TMEM255B: variants seen among roughly 807,000 people sequenced by gnomAD.
TMEM255B encodes the protein transmembrane protein 255B.
A neutral mutation model predicts 34.5 loss-of-function variants in TMEM255B; 35 were observed. The observed-to-expected ratio is 1.01, with a 90% confidence interval of 0.77 to 1.34. TMEM255B has a LOEUF of 1.34. Among genes scored for constraint, TMEM255B ranks in the 40% most tolerant of loss-of-function variants. The pLI, the probability that TMEM255B is intolerant of heterozygous loss-of-function variation, is 0.00. For missense variants in TMEM255B, 432 were observed against 433.2 expected (o/e 1.00, Z 0.02); for synonymous variants, 206 against 201.2 (o/e 1.02, Z -0.20).
At chr13:113,775,650 C>T (rs1050750124) in intron 3 of TMEM255B, among the ~76,000 whole-genome samples, 5 of 152,270 alleles carry the variant, frequency 3.3e-5, no homozygotes, top group African/African-American at 7.2e-5. Context: ...CTGGATCCCA[C>T]GACCTCACCC....
At chr13:113,811,176 C>G (rs1366883397) in intron 8 of TMEM255B, among the ~76,000 whole-genome samples, 1 of 98,048 alleles carries the variant, frequency 1.0e-5, no homozygotes, top group Non-Finnish European at 2.0e-5. Flanking sequence ...GGTCCTGGGT[C>G]TGTGGGGTGG....
At chr13:113,793,173 C>T (rs1413821534) in intron 3 of TMEM255B, among the ~76,000 whole-genome samples, 1 of 152,358 alleles carries the variant, frequency 6.6e-6, no homozygotes, top group East Asian at 1.9e-4. Context: ...CCCGAGAACC[C>T]TTGTGCTGCC....
rs114098740 is a variant in TMEM255B at position 113,767,100 on chromosome 13, C to A, written c.189+843C>A. Among the ~76,000 whole-genome samples, 544 of 152,314 alleles carry A rather than the reference C, an allele frequency of 3.6e-3. 1 individual carries two copies. Among genetic ancestry groups the A allele is most frequent in the African/African-American group, 0.013 (530 of 41,564 alleles). The stretch of plus-strand genomic sequence containing the variant: ...GATTTTAAAATGCGGCTTCTTCAAT[C>A]TCATTACTCTCACCTAAAGTACTAC... On this transcript the variant is annotated intron_variant, in intron 2 of 8. Coordinates refer to ENST00000375353, the MANE Select transcript of TMEM255B (RefSeq NM_182614.4).
chr13:113,761,937 G>A (rs940682752), intron 1 of TMEM255B, among the ~76,000 whole-genome samples: 9 of 152,096 alleles, frequency 5.9e-5, no homozygotes, highest in African/African-American at 7.2e-5. Flanking sequence ...TTAAATGGCC[G>A]CCCAAGACCA....
chr13:113,759,387 G>A (rs1253377923), intron 1 of TMEM255B, 72 bp downstream of exon 1: 4 of 1,208,416 alleles, frequency 3.3e-6, no homozygotes, highest in Non-Finnish European at 4.1e-6. Flanking sequence ...GGGACTACAG[G>A]TCCCCGGCCG....
intron 3 of TMEM255B, among the ~76,000 whole-genome samples, chr13:113,776,800 G>A (rs1053992562): frequency 5.9e-5 from 9 of 152,236 alleles, no homozygotes; most frequent in African/African-American, 9.6e-5. Context: ...ATCCTGATGC[G>A]TGAGCTGGTG....
At position 113,787,747 on chromosome 13, in the gene TMEM255B, G is replaced by A. The variant is rs542657137; in HGVS notation, c.253-7401G>A. On this transcript the variant is annotated intron_variant, in intron 3 of 8. Coordinates refer to ENST00000375353, the MANE Select transcript of TMEM255B (RefSeq NM_182614.4). ...CAGTGGGGAGGGGAGTGTGAGAGCC[G>A]TGAATGTGTCAAATGCTCATGGTGA... 4.6e-5 allele frequency among the ~76,000 whole-genome samples: 7 copies of A among 151,988 alleles called. No homozygotes were observed. In the South Asian group the frequency reaches 6.2e-4, roughly 14 times the overall value.
intron 4 of TMEM255B, among the ~76,000 whole-genome samples, chr13:113,799,059 C>G (rs1357653799): frequency 6.6e-6 from 1 of 152,242 alleles, no homozygotes; most frequent in Admixed American, 6.5e-5. Context: ...AAGCACCTGT[C>G]TCCCTTCTGC....
At chr13:113,776,391 G>A (rs144249440) in intron 3 of TMEM255B, among the ~76,000 whole-genome samples, 6 of 152,324 alleles carry the variant, frequency 3.9e-5, no homozygotes, top group African/African-American at 7.2e-5. Flanking sequence ...GGGCTGACTC[G>A]GCGGCTCTGG....
At chr13:113,789,456 A>G (rs572355120) in intron 3 of TMEM255B, among the ~76,000 whole-genome samples, 1 of 152,328 alleles carries the variant, frequency 6.6e-6, no homozygotes, top group South Asian at 2.1e-4. Flanking sequence ...TATCTGAACA[A>G]GAGTTAACAA....
intron 1 of TMEM255B, among the ~76,000 whole-genome samples, chr13:113,764,130 G>A (rs1301638983): frequency 3.3e-5 from 5 of 152,130 alleles, no homozygotes; most frequent in African/African-American, 4.8e-5. Context: ...GGGATGGGCC[G>A]GGGCGTGGGC....
At chr13:113,762,785 G>C (rs1321355411) in intron 1 of TMEM255B, among the ~76,000 whole-genome samples, 1 of 152,184 alleles carries the variant, frequency 6.6e-6, no homozygotes, top group African/African-American at 2.4e-5. Context: ...CAGGAGGCTG[G>C]GACAGGAGCC....
intron 5 of TMEM255B, 143 bp from the exon 6 acceptor site, chr13:113,800,684 G>GAGTCGGGGGAA: frequency 1.4e-6 from 1 of 727,906 alleles, no homozygotes; most frequent in Non-Finnish European, 2.3e-6. Context: ...TCTGTGTCTG[G>GAGTCGGGGGAA]AGTCGGGGGA....
At chr13:113,799,745 T>C in intron 5 of TMEM255B, 1 of 702,024 alleles carries the variant, frequency 1.4e-6, no homozygotes, top group South Asian at 1.5e-5. Flanking sequence ...ATAATACATT[T>C]ACAGTGTCCG....
chr13:113,759,464 C>G (rs2050257608), intron 1 of TMEM255B, 149 bp downstream of exon 1: 4 of 685,642 alleles, frequency 5.8e-6, no homozygotes, highest in Non-Finnish European at 8.2e-6. Flanking sequence ...CGAGCTCTGT[C>G]TTTGGAACAC....
At chr13:113,764,375 G>A (rs559902070) in intron 1 of TMEM255B, among the ~76,000 whole-genome samples, 4 of 152,300 alleles carry the variant, frequency 2.6e-5, no homozygotes, top group African/African-American at 4.8e-5. Context: ...CAGGGACCCC[G>A]AACCCCAGGG....
chr13:113,785,113 G>A (rs1044404317), intron 3 of TMEM255B, among the ~76,000 whole-genome samples: 3 of 152,226 alleles, frequency 2.0e-5, no homozygotes, highest in African/African-American at 7.2e-5. Context: ...CTGGTCGGAG[G>A]TGTCATTTGT....
Position 113,769,396 on chromosome 13 carries a change from G to A in TMEM255B, c.252+236G>A, listed in dbSNP as rs1184571151. Among the ~76,000 whole-genome samples the A allele has an allele frequency of 6.6e-6, 1 of 152,204 alleles. No homozygotes were observed. Among genetic ancestry groups the A allele is most frequent in the Non-Finnish European group, 1.5e-5 (1 of 68,036 alleles). ...TGGGTTGCTGGTGTATCAACCTCAC[G>A]TGGTGTGCAACCACCAATGCTGAGG... On this transcript the variant is annotated intron_variant, in intron 3 of 8. Transcript: ENST00000375353. The surrounding 1 kb of genome is among the most constrained non-coding windows in gnomAD (Gnocchi z 4.2).
chr13:113,800,264 G>T (rs1357751147), intron 5 of TMEM255B, among the ~76,000 whole-genome samples: 23 of 139,836 alleles, frequency 1.6e-4, no homozygotes, highest in African/African-American at 6.3e-4. Context: ...TGTGTGTGTG[G>T]AGGTGTCCTG....
Sources: gnomAD v4.1 joint callset for allele counts (sites outside exome capture counted in the v4.1 genomes callset) on GRCh38, gnomAD v4.1.1 for gene constraint, Gnocchi (gnomAD v3.1) non-coding constraint, MANE v1.5 for transcripts, NCBI Gene and HGNC (gene_info 2026-07-23, HGNC 2026-07-21) for gene names.